Variants in ARL15 observed in about 807,000 individuals in gnomAD.
ARL15 encodes ARF like GTPase 15.
In ARL15, 19 loss-of-function variants were observed where a neutral mutation model predicts 25.2. The observed-to-expected ratio is 0.75, with a 90% CI of 0.53 to 1.10. The LOEUF is 1.10. Ranked by LOEUF, ARL15 falls within the 50% of genes least tolerant of loss-of-function variation. The probability of loss-of-function intolerance (pLI) is 0.00; values close to 1 mark genes in which losing one functional copy is unlikely to be tolerated. For synonymous variants in ARL15, 94 were observed against 86.8 expected (o/e 1.08, Z -0.46); for missense variants, 220 against 246.0 (o/e 0.89, Z 0.71).
chr5:53,946,274 C>T (rs1465461165), intron 4 of ARL15, among the ~76,000 whole-genome samples: 3 of 151,748 alleles, frequency 2.0e-5, no homozygotes, highest in Non-Finnish European at 2.9e-5. Flanking sequence ...GCCAACATGG[C>T]GAAGCCCCAT....
At chr5:53,919,993 C>A (rs1384991748) in intron 4 of ARL15, among the ~76,000 whole-genome samples, 1 of 152,040 alleles carries the variant, frequency 6.6e-6, no homozygotes, top group African/African-American at 2.4e-5. Context: ...AGACTGGGCA[C>A]AAATATAGGT....
At chr5:54,039,568 G>C (rs553288395) in intron 4 of ARL15, among the ~76,000 whole-genome samples, 35 of 152,094 alleles carry the variant, frequency 2.3e-4, no homozygotes, top group African/African-American at 8.4e-4. Flanking sequence ...AGGAGGCCGA[G>C]GCAGGTGGTT....
chr5:54,181,151 T>C (rs182584304), intron 1 of ARL15, among the ~76,000 whole-genome samples: 50 of 152,266 alleles, frequency 3.3e-4, no homozygotes, highest in African/African-American at 1.1e-3. Context: ...TCTTCTCACA[T>C]TGGAAATAGA....
At chr5:54,053,959 T>C (rs989066961) in intron 4 of ARL15, among the ~76,000 whole-genome samples, 22 of 152,238 alleles carry the variant, frequency 1.4e-4, no homozygotes, top group African/African-American at 5.3e-4. Flanking sequence ...AATGTCCCCC[T>C]ACTCTTAACA....
intron 3 of ARL15, among the ~76,000 whole-genome samples, chr5:54,144,977 G>A (rs987777048): frequency 1.3e-5 from 2 of 151,990 alleles, no homozygotes; most frequent in East Asian, 1.9e-4. Context: ...CTTTTATTTC[G>A]TGTTTCCATT....
chr5:54,000,918 C>G (rs1399220600), intron 4 of ARL15, among the ~76,000 whole-genome samples: 1 of 152,150 alleles, frequency 6.6e-6, no homozygotes, highest in Non-Finnish European at 1.5e-5. Flanking sequence ...GCCTAAGACC[C>G]CACTTTCAAA....
chr5:54,098,301 T>C (rs1025933577), intron 4 of ARL15, among the ~76,000 whole-genome samples: 8 of 152,238 alleles, frequency 5.3e-5, no homozygotes, highest in Admixed American at 3.3e-4. Context: ...TTCTGACCTG[T>C]TGTGAAGTAA....
intron 1 of ARL15, among the ~76,000 whole-genome samples, chr5:54,234,452 G>C (rs1274245263): frequency 6.6e-6 from 1 of 152,116 alleles, no homozygotes; most frequent in East Asian, 1.9e-4. Flanking sequence ...ACTTCACCAG[G>C]TGTTTGAACA....
At chr5:53,887,475 C>T (rs919664660) in intron 4 of ARL15, 10 of 665,890 alleles carry the variant, frequency 1.5e-5, no homozygotes, top group African/African-American at 1.3e-4. Flanking sequence ...ACTATATTGG[C>T]CAGCATACTG....
chr5:54,276,585 C>G (rs1448991843), intron 1 of ARL15, among the ~76,000 whole-genome samples: 1 of 152,210 alleles, frequency 6.6e-6, no homozygotes, highest in African/African-American at 2.4e-5. Context: ...CCCATAGAGT[C>G]AATTACCATC....
At chr5:53,994,228 A>T (rs1748596776) in intron 4 of ARL15, among the ~76,000 whole-genome samples, 1 of 152,204 alleles carries the variant, frequency 6.6e-6, no homozygotes, top group Admixed American at 6.5e-5. Context: ...AAAATATAGC[A>T]AAAAACCTAG....
At chr5:53,991,553 A>AAAG (rs2111660176) in intron 4 of ARL15, among the ~76,000 whole-genome samples, 1 of 145,100 alleles carries the variant, frequency 6.9e-6, no homozygotes, top group East Asian at 2.1e-4. Context: ...AAAAAAAAAA[A>AAAG]AAAAAAAAGG....
At chr5:53,913,700 G>T (rs892042469) in intron 4 of ARL15, among the ~76,000 whole-genome samples, 4 of 152,066 alleles carry the variant, frequency 2.6e-5, no homozygotes, top group African/African-American at 9.7e-5. Context: ...AATAGTACCT[G>T]GCACTATTCT....
intron 1 of ARL15, among the ~76,000 whole-genome samples, chr5:54,190,516 G>C (rs1755370025): frequency 6.6e-6 from 1 of 152,166 alleles, no homozygotes; most frequent in Non-Finnish European, 1.5e-5. Context: ...CAGTTCTGGA[G>C]GCTGGAAAGT....
intron 4 of ARL15, among the ~76,000 whole-genome samples, chr5:54,088,576 C>G (rs1316999898): frequency 6.6e-6 from 1 of 152,160 alleles, no homozygotes; most frequent in African/African-American, 2.4e-5. Flanking sequence ...AAAACCCATT[C>G]TCAATGTGAA....
At chr5:54,303,440 G>A (rs1758663651) in intron 1 of ARL15, among the ~76,000 whole-genome samples, 1 of 152,090 alleles carries the variant, frequency 6.6e-6, no homozygotes, top group South Asian at 2.1e-4. Context: ...GAACCCGGGA[G>A]GCAGAGGTTG....
intron 1 of ARL15, among the ~76,000 whole-genome samples, chr5:54,287,931 G>A (rs1758222988): frequency 1.3e-5 from 2 of 152,078 alleles, no homozygotes; most frequent in South Asian, 4.1e-4. Context: ...AATTTGAGTT[G>A]AAAAATACTG....
At chr5:54,030,229 C>T (rs890815809) in intron 4 of ARL15, among the ~76,000 whole-genome samples, 19 of 152,094 alleles carry the variant, frequency 1.2e-4, no homozygotes, top group Admixed American at 9.8e-4. Flanking sequence ...ACCTGCTATA[C>T]GACAAGCAAA....
Position 54,140,441 on chromosome 5 carries a change from T to TAGAC in ARL15, c.253+14138_253+14139insGTCT, listed in dbSNP as rs531769140. Reference sequence around the variant, plus strand: ...ACAGATAGATAGATAGATAGATAGATAGATAGATAGATAGATAGATAGATA... The same window carrying TAGAC: ...ACAGATAGATAGATAGATAGATAGATAGACAGATAGATAGATAGATAGATAGATA... On this transcript the variant is annotated intron_variant, in intron 3 of 4. Coordinates refer to ENST00000504924, the MANE Select transcript of ARL15 (RefSeq NM_019087.3). 7.9e-4 allele frequency among the ~76,000 whole-genome samples: 109 copies of TAGAC among 137,838 alleles called. 1 individual carries two copies. The South Asian group carries it at 0.025, about 31-fold the overall frequency. The allele number at this position is 137,838 out of a possible 152,430, so 90.4% of individuals were successfully genotyped here.
Sources: allele counts gnomAD v4.1 joint callset (sites outside exome capture counted in the v4.1 genomes callset), GRCh38; gene constraint gnomAD v4.1.1; transcripts MANE v1.5; gene names NCBI Gene and HGNC (gene_info 2026-07-23, HGNC 2026-07-21).